Variants in NPAS3 observed in about 807,000 individuals in gnomAD.
NPAS3 encodes neuronal PAS domain protein 3, also known as neuronal PAS domain-containing protein 3.
Under a neutral mutation model 73.1 loss-of-function variants are expected in NPAS3, and 14 were observed. The observed-to-expected ratio is 0.19, with a 90% CI of 0.13 to 0.30. The LOEUF (loss-of-function observed/expected upper bound fraction) is 0.30, where lower values mean the gene tolerates loss of function less well. NPAS3 is among the 10% of genes least tolerant of loss of function. The pLI, the probability that NPAS3 is intolerant of heterozygous loss-of-function variation, is 1.00. For synonymous variants in NPAS3, 620 were observed against 541.5 expected (o/e 1.14, Z -2.01); for missense variants, 1,096 against 1,250.0 (o/e 0.88, Z 1.86).
At position 33,147,199 on chromosome 14, in the gene NPAS3, C is replaced by T. The variant is rs116192082; in HGVS notation, c.141-67983C>T. On this transcript the variant is annotated intron_variant, in intron 2 of 11. Coordinates refer to ENST00000356141, the Ensembl canonical transcript of NPAS3. ...CCACATCCTATAAAGAATAAAGAAGCTGTTTTAAATGTAAAAATGCCCTTG... is the reference window on the plus strand; with the variant it reads ...CCACATCCTATAAAGAATAAAGAAGTTGTTTTAAATGTAAAAATGCCCTTG... 4.6e-3 allele frequency among the ~76,000 whole-genome samples: 699 copies of T among 152,104 alleles called. 5 individuals are homozygous for T. Among genetic ancestry groups the T allele is most frequent in the African/African-American group, 0.016 (664 of 41,510 alleles).
chr14:33,624,827 A>G (rs2058177543), intron 5 of NPAS3, among the ~76,000 whole-genome samples: 2 of 152,194 alleles, frequency 1.3e-5, no homozygotes, highest in African/African-American at 4.8e-5. Context: ...CATCTAGTTT[A>G]TACACATTCT....
At chr14:32,981,814 A>G (rs892564941) in intron 1 of NPAS3, among the ~76,000 whole-genome samples, 3 of 152,196 alleles carry the variant, frequency 2.0e-5, no homozygotes, top group Admixed American at 2.0e-4. Flanking sequence ...ATGCACACTC[A>G]ACTCTTAATT....
chr14:33,219,470 G>A (rs12892452), intron 3 of NPAS3, among the ~76,000 whole-genome samples: 46,720 of 152,066 alleles, frequency 0.31, 7,414 homozygotes, highest in East Asian at 0.51. Flanking sequence ...GCTAAAATAT[G>A]TAAAGTATAA....
chr14:33,460,872 T>C (rs17101269), intron 4 of NPAS3, among the ~76,000 whole-genome samples: 22,288 of 152,044 alleles, frequency 0.15, 1,934 homozygotes, highest in African/African-American at 0.24. Context: ...TCAAAATCAG[T>C]CTGGTGTTGT....
intron 2 of NPAS3, among the ~76,000 whole-genome samples, chr14:33,062,364 T>A (rs190629061): frequency 5.9e-4 from 90 of 152,206 alleles, no homozygotes; most frequent in Admixed American, 5.9e-3. Flanking sequence ...TTTTTATTGA[T>A]AAATATCTTG....
At chr14:33,718,088 C>T (rs550783614) in intron 6 of NPAS3, among the ~76,000 whole-genome samples, 2 of 152,080 alleles carry the variant, frequency 1.3e-5, no homozygotes, top group South Asian at 4.2e-4. Flanking sequence ...CTTTGGCACA[C>T]GCAACGCCAA....
In NPAS3 at chr14:33,434,682, T is replaced by A. The variant is rs923245382; in HGVS notation, c.468+67414T>A. Reference sequence around the variant, plus strand: ...GATTCTTTCTTTTGAACACTGTTTTTAAAAAATGCTACATAAAGCTTTGTG... The same window carrying A: ...GATTCTTTCTTTTGAACACTGTTTTAAAAAAATGCTACATAAAGCTTTGTG... On this transcript the variant is annotated intron_variant, in intron 4 of 11. Transcript: ENST00000356141. Among the ~76,000 whole-genome samples, 4 of 152,330 alleles carry A rather than the reference T, an allele frequency of 2.6e-5. No individual in the cohort carries two copies. In the East Asian group the frequency reaches 7.7e-4, roughly 29 times the overall value.
chr14:33,151,244 A>G (rs1018445850), intron 2 of NPAS3, among the ~76,000 whole-genome samples: 2 of 152,240 alleles, frequency 1.3e-5, no homozygotes, highest in Non-Finnish European at 2.9e-5. Context: ...TGCTCCCACA[A>G]GGAGGCCTTC....
chr14:33,274,448 C>T lies in NPAS3; in HGVS notation c.385+59022C>T, dbSNP rs186708666. Among the ~76,000 whole-genome samples, 984 of 152,202 alleles carry T rather than the reference C, an allele frequency of 6.5e-3. 7 individuals carry two copies. Among genetic ancestry groups the T allele is most frequent in the African/African-American group, 0.022 (931 of 41,532 alleles). On this transcript the variant is annotated intron_variant, in intron 3 of 11. Transcript: ENST00000356141. Reference sequence around the variant, plus strand: ...TTAACTGCCTGCCATCCTAATTTCCCTCCCCTTTTCTCTGGCCTCCCATAT... The same window carrying T: ...TTAACTGCCTGCCATCCTAATTTCCTTCCCCTTTTCTCTGGCCTCCCATAT...
At chr14:33,199,587 T>C (rs1191418345) in intron 2 of NPAS3, among the ~76,000 whole-genome samples, 2 of 152,096 alleles carry the variant, frequency 1.3e-5, no homozygotes, top group African/African-American at 4.8e-5. Flanking sequence ...TTTTGAGAAT[T>C]TAAATATTTC....
chr14:33,371,889 A>G (rs527379158), intron 4 of NPAS3, among the ~76,000 whole-genome samples: 1 of 152,324 alleles, frequency 6.6e-6, no homozygotes, highest in South Asian at 2.1e-4. Context: ...TGCTATGATT[A>G]CGTGCATCTT....
chr14:33,738,868 A>T (rs1262659826), intron 7 of NPAS3, among the ~76,000 whole-genome samples: 1 of 152,044 alleles, frequency 6.6e-6, no homozygotes, highest in Non-Finnish European at 1.5e-5. Flanking sequence ...TGTCTGGGGG[A>T]ACTTGCTAGG....
At chr14:33,330,040 C>T (rs560053619) in intron 3 of NPAS3, among the ~76,000 whole-genome samples, 14 of 152,200 alleles carry the variant, frequency 9.2e-5, no homozygotes, top group African/African-American at 3.4e-4. Flanking sequence ...GTCAGGAGTT[C>T]GAGACCAGCC....
intron 3 of NPAS3, among the ~76,000 whole-genome samples, chr14:33,270,798 T>TA (rs1264819887): frequency 6.6e-6 from 1 of 152,184 alleles, no homozygotes; most frequent in Non-Finnish European, 1.5e-5. Context: ...GAATGGACGA[T>TA]GTCCTGTCTG....
chr14:33,444,419 T>C (rs970835545), intron 4 of NPAS3, among the ~76,000 whole-genome samples: 3 of 152,246 alleles, frequency 2.0e-5, no homozygotes, highest in Non-Finnish European at 4.4e-5. Context: ...ACAAAGTAAC[T>C]GTCTTCGAAC....
At chr14:33,271,974 T>C (rs1490456948) in intron 3 of NPAS3, among the ~76,000 whole-genome samples, 1 of 152,196 alleles carries the variant, frequency 6.6e-6, no homozygotes, top group Non-Finnish European at 1.5e-5. Flanking sequence ...TTTTCTTTTT[T>C]CCAAAACATA....
At chr14:33,769,745 ATTTTTTTTTTCT>A (rs1238438424) in intron 7 of NPAS3, among the ~76,000 whole-genome samples, 5 of 103,354 alleles carry the variant, frequency 4.8e-5, no homozygotes, top group Admixed American at 2.3e-4. Context: ...AAAGACTTGG[ATTTTTTTTTTCT>A]TTTTTTTTTT....
chr14:33,605,176 A>T (rs1256931291), intron 5 of NPAS3, among the ~76,000 whole-genome samples: 3 of 152,002 alleles, frequency 2.0e-5, no homozygotes, highest in Non-Finnish European at 4.4e-5. Context: ...CTTTCAGCTA[A>T]GTAGGAATAA....
chr14:33,730,288 ATT>A (rs1300913204), intron 6 of NPAS3, among the ~76,000 whole-genome samples: 1 of 152,160 alleles, frequency 6.6e-6, no homozygotes. Flanking sequence ...TCCGACAAAC[ATT>A]TGTCATATTC....
Sources: allele counts gnomAD v4.1 joint callset (sites outside exome capture counted in the v4.1 genomes callset), GRCh38; gene constraint gnomAD v4.1.1; transcripts MANE v1.5; gene names NCBI Gene and HGNC (gene_info 2026-07-23, HGNC 2026-07-21).